The following AKAP19 variants were observed in gnomAD, a reference collection of about 807,000 sequenced individuals.
AKAP19 encodes the protein A-kinase anchoring protein 19.
At chr2:190,001,974 A>T in the AKAP19 span, among the ~76,000 whole-genome samples, 9 of 152,130 alleles carry the variant, frequency 5.9e-5, no homozygotes, top group Non-Finnish European at 1.2e-4. Context: ...CAACAATGCC[A>T]TTTGGTATGG....
At chr2:190,141,666 G>T in the AKAP19 span, among the ~76,000 whole-genome samples, 109 of 152,334 alleles carry the variant, frequency 7.2e-4, no homozygotes, top group Middle Eastern at 3.4e-3. Context: ...TCTCTCCCTT[G>T]ACATGTAGGG....
the AKAP19 span, among the ~76,000 whole-genome samples, chr2:190,041,219 G>A: frequency 6.6e-6 from 1 of 151,854 alleles, no homozygotes; most frequent in Non-Finnish European, 1.5e-5. Context: ...AATTCTCATT[G>A]TAGAGCCCTT....
the AKAP19 span, among the ~76,000 whole-genome samples, chr2:190,149,193 C>A: frequency 6.6e-6 from 1 of 152,156 alleles, no homozygotes; most frequent in African/African-American, 2.4e-5. Context: ...GAACTCCCAA[C>A]CTCAGGTGAT....
chr2:190,143,211 A>G, the AKAP19 span, among the ~76,000 whole-genome samples: 1 of 150,498 alleles, frequency 6.6e-6, no homozygotes, highest in African/African-American at 2.4e-5. Flanking sequence ...AGTCATGTGT[A>G]ACTGCTGCCT....
At chr2:190,112,693 CCAT>C in the AKAP19 span, among the ~76,000 whole-genome samples, 1 of 152,052 alleles carries the variant, frequency 6.6e-6, no homozygotes, top group Non-Finnish European at 1.5e-5. Flanking sequence ...CTGATTTTAA[CCAT>C]ACTTGATCAT....
chr2:190,026,943 T>G, the AKAP19 span, among the ~76,000 whole-genome samples: 5 of 152,196 alleles, frequency 3.3e-5, no homozygotes, highest in African/African-American at 1.2e-4. Context: ...TTAAAGTACT[T>G]AAGTTTTAAA....
chr2:190,179,886 T>TG, the AKAP19 span, among the ~76,000 whole-genome samples: 38 of 152,334 alleles, frequency 2.5e-4, no homozygotes, highest in African/African-American at 8.7e-4. This position sits in a 1 kb window ranked among gnomAD's most constrained non-coding sequence, Gnocchi z 6.0. Flanking sequence ...ATAATGGTTC[T>TG]TTTGTAGTTC....
chr2:190,033,667 CT>C, the AKAP19 span, among the ~76,000 whole-genome samples: 1 of 152,142 alleles, frequency 6.6e-6, no homozygotes, highest in East Asian at 1.9e-4. Flanking sequence ...TTCAGTTTTG[CT>C]TTGCTGCTTT....
the AKAP19 span, among the ~76,000 whole-genome samples, chr2:189,951,336 G>A: frequency 1.3e-5 from 2 of 151,780 alleles, no homozygotes; most frequent in Admixed American, 6.6e-5. Flanking sequence ...CAAGTAGCTG[G>A]GATTACAGGC....
At chr2:189,921,874 A>T in the AKAP19 span, among the ~76,000 whole-genome samples, 1 of 152,206 alleles carries the variant, frequency 6.6e-6, no homozygotes, top group Admixed American at 6.5e-5. Context: ...ACACCTGGAT[A>T]TGCAAAGTAC....
chr2:190,131,872 G>A, the AKAP19 span, among the ~76,000 whole-genome samples: 1 of 151,970 alleles, frequency 6.6e-6, no homozygotes, highest in Non-Finnish European at 1.5e-5. Flanking sequence ...TGAAAGTAGA[G>A]GTAGGAAAAA....
chr2:189,952,537 T>C, the AKAP19 span, among the ~76,000 whole-genome samples: 1 of 152,176 alleles, frequency 6.6e-6, no homozygotes, highest in South Asian at 2.1e-4. Flanking sequence ...TTATTTTAGG[T>C]TTTATCTGTT....
At chr2:189,995,481 CT>C in the AKAP19 span, among the ~76,000 whole-genome samples, 1 of 152,118 alleles carries the variant, frequency 6.6e-6, no homozygotes, top group Non-Finnish European at 1.5e-5. Flanking sequence ...TTTTTCCACC[CT>C]TTTACCTTAA....
chr2:189,962,603 A>G, the AKAP19 span, among the ~76,000 whole-genome samples: 1 of 152,196 alleles, frequency 6.6e-6, no homozygotes, highest in South Asian at 2.1e-4. Flanking sequence ...AGATAAATAT[A>G]TACCTTACAC....
the AKAP19 span, among the ~76,000 whole-genome samples, chr2:189,905,617 C>T: frequency 7.9e-5 from 12 of 151,976 alleles, no homozygotes; most frequent in African/African-American, 2.7e-4. Context: ...TTAAAAAATG[C>T]TTCCTCCCCA....
chr2:190,146,178 A>C, the AKAP19 span, among the ~76,000 whole-genome samples: 1 of 152,026 alleles, frequency 6.6e-6, no homozygotes, highest in African/African-American at 2.4e-5. Flanking sequence ...CCAGGTCCCC[A>C]AAGTCCATTG....
the AKAP19 span, among the ~76,000 whole-genome samples, chr2:190,192,644 T>C: frequency 1.7e-4 from 26 of 152,246 alleles, no homozygotes; most frequent in East Asian, 4.8e-3. Flanking sequence ...TTTCAGATCA[T>C]GAACAGCATT....
At chr2:189,975,124 G>T in the AKAP19 span, among the ~76,000 whole-genome samples, 89 of 152,286 alleles carry the variant, frequency 5.8e-4, 1 homozygote, top group African/African-American at 2.0e-3. Context: ...GGTACCAGTT[G>T]TTCCTTTCCG....
chr2:190,111,937 G>T, the AKAP19 span, among the ~76,000 whole-genome samples: 2 of 151,666 alleles, frequency 1.3e-5, no homozygotes, highest in East Asian at 3.9e-4. Context: ...TCGCTCTGTC[G>T]CCCAGGCTGG....
Sources: allele counts gnomAD v4.1 joint callset (sites outside exome capture counted in the v4.1 genomes callset), GRCh38; gene constraint gnomAD v4.1.1; non-coding constraint Gnocchi (gnomAD v3.1); transcripts MANE v1.5; gene names NCBI Gene and HGNC (gene_info 2026-07-23, HGNC 2026-07-21).